The following GRIK2 variants were observed in gnomAD, a reference collection of about 807,000 sequenced individuals.
GRIK2 encodes the protein glutamate ionotropic receptor kainate type subunit 2.
GRIK2 carries 32 observed loss-of-function variants against 100.3 expected under a neutral mutation model. That is an observed-to-expected ratio of 0.32 (90% CI 0.24 to 0.43). The LOEUF (loss-of-function observed/expected upper bound fraction) is 0.43, where lower values mean the gene tolerates loss of function less well. Among genes scored for constraint, GRIK2 ranks in the 20% least tolerant of loss-of-function variants. The pLI is 1.00. For missense variants in GRIK2, 843 were observed against 1,114.9 expected (o/e 0.76, Z 3.47); for synonymous variants, 417 against 389.4 (o/e 1.07, Z -0.83).
rs1054720868 is a variant in GRIK2 at position 101,745,476 on chromosome 6, A to G, written c.952-54172A>G. ...AGCACCTGGCCAAGTTATACATATT[A>G]TAAAGGCTTTTTGGTATTCTCGTTG... On this transcript the variant is annotated intron_variant, in intron 7 of 16. Coordinates refer to ENST00000369134, the MANE Select transcript of GRIK2 (RefSeq NM_021956.5). Among the ~76,000 whole-genome samples the G allele has an allele frequency of 6.6e-5, 10 of 152,310 alleles. 2 individuals are homozygous for G. In the South Asian group the frequency reaches 1.7e-3, roughly 25 times the overall value.
intron 2 of GRIK2, among the ~76,000 whole-genome samples, chr6:101,573,537 C>CT (rs1471570258): frequency 1.3e-5 from 2 of 152,154 alleles, no homozygotes; most frequent in African/African-American, 4.8e-5. Context: ...TGGAGGATTT[C>CT]TATCATTTTC....
intron 12 of GRIK2, among the ~76,000 whole-genome samples, chr6:101,923,208 G>A (rs980564878): frequency 2.0e-5 from 3 of 151,908 alleles, no homozygotes; most frequent in Admixed American, 6.6e-5. Context: ...CTGAAGTGAC[G>A]GATACATTAT....
intron 2 of GRIK2, among the ~76,000 whole-genome samples, chr6:101,547,719 T>A (rs1222326870): frequency 1.3e-5 from 2 of 152,042 alleles, no homozygotes; most frequent in Non-Finnish European, 2.9e-5. Flanking sequence ...CAGTCTATCA[T>A]TGTTGGACAT....
intron 5 of GRIK2, among the ~76,000 whole-genome samples, chr6:101,681,314 T>C (rs1771226750): frequency 6.6e-6 from 1 of 152,098 alleles, no homozygotes; most frequent in African/African-American, 2.4e-5. Context: ...AGCCTCGACT[T>C]TGGGAGCTCA....
intron 2 of GRIK2, among the ~76,000 whole-genome samples, chr6:101,533,388 A>C (rs2128285600): frequency 6.8e-6 from 1 of 147,496 alleles, no homozygotes; most frequent in Non-Finnish European, 1.5e-5. Context: ...AATTAGAACA[A>C]AAAAAAGCAT....
At chr6:101,755,456 C>T (rs148365622) in intron 7 of GRIK2, among the ~76,000 whole-genome samples, 135 of 152,148 alleles carry the variant, frequency 8.9e-4, no homozygotes, top group African/African-American at 3.1e-3. Flanking sequence ...CATGAGCCAC[C>T]GTGCCCGGCC....
At chr6:101,961,067 C>T (rs1208858251) in intron 14 of GRIK2, among the ~76,000 whole-genome samples, 4 of 152,166 alleles carry the variant, frequency 2.6e-5, no homozygotes, top group Non-Finnish European at 1.5e-5. Flanking sequence ...TAGTGAAAGC[C>T]TCCCATGTTT....
chr6:102,060,691 A>G lies in GRIK2; in HGVS notation c.2562+5111A>G, dbSNP rs150505686. Among the ~76,000 whole-genome samples the G allele has an allele frequency of 2.6e-3, 395 of 150,878 alleles. 1 individual carries two copies. Among genetic ancestry groups the G allele is most frequent in the African/African-American group, 9.0e-3 (372 of 41,448 alleles). On this transcript the variant is annotated intron_variant, in intron 16 of 16. Transcript: ENST00000369134. The stretch of plus-strand genomic sequence containing the variant: ...GCCCAGTAATGCCTTTTTAGAAACT[A>G]TAAGATATCTATACTTTTTATTAAT...
rs144222429 is a variant in GRIK2 at position 101,481,313 on chromosome 6, C to A, written c.115+81921C>A. On this transcript the variant is annotated intron_variant, in intron 2 of 16. Transcript: ENST00000369134. ...TCTACTTCAGCCAGTGCACTCTAAG[C>A]AAATCCAAAAGGAGCCCTCATATTT... Among the ~76,000 whole-genome samples, 822 of 152,212 alleles carry A rather than the reference C, an allele frequency of 5.4e-3. 21 individuals carry two copies. The highest frequency in any genetic ancestry group is 0.042 in the Admixed American group (642 of 15,258).
At chr6:101,822,241 C>CAA (rs1782003323) in intron 10 of GRIK2, among the ~76,000 whole-genome samples, 1 of 149,048 alleles carries the variant, frequency 6.7e-6, no homozygotes, top group Admixed American at 6.7e-5. Context: ...CACACACACA[C>CAA]ACAAACACAT....
In GRIK2 at chr6:101,991,391, G is replaced by GTT. The variant is rs35883376; in HGVS notation, c.2086-43940_2086-43939dup. Among the ~76,000 whole-genome samples, 310 of 146,358 alleles carry GTT rather than the reference G, an allele frequency of 2.1e-3. 1 individual carries two copies. The highest frequency in any genetic ancestry group is 7.3e-3 in the South Asian group (34 of 4,678). ...CAAAGCCTAGTATCTTATTTGCTAT[G>GTT]TTTTTTTTTTTACAATTTGTTGCAT... On this transcript the variant is annotated intron_variant, in intron 14 of 16. Coordinates refer to ENST00000369134, the MANE Select transcript of GRIK2 (RefSeq NM_021956.5).
intron 4 of GRIK2, among the ~76,000 whole-genome samples, chr6:101,638,404 G>A (rs562919484): frequency 6.6e-6 from 1 of 152,080 alleles, no homozygotes; most frequent in South Asian, 2.1e-4. Flanking sequence ...TAAAGCAGGA[G>A]AGATGTGTAG....
intron 2 of GRIK2, among the ~76,000 whole-genome samples, chr6:101,498,424 G>A (rs368213899): frequency 4.5e-4 from 69 of 151,862 alleles, no homozygotes; most frequent in African/African-American, 1.5e-3. Flanking sequence ...CTAGTTCTAG[G>A]TCCCTGAGGA....
intron 7 of GRIK2, among the ~76,000 whole-genome samples, chr6:101,778,746 T>C (rs1778899121): frequency 6.6e-6 from 1 of 152,198 alleles, no homozygotes; most frequent in Non-Finnish European, 1.5e-5. Context: ...GAATTGTTTG[T>C]TTCTATTGTC....
chr6:101,781,090 T>G (rs891519293), intron 7 of GRIK2, among the ~76,000 whole-genome samples: 1 of 152,242 alleles, frequency 6.6e-6, no homozygotes, highest in Non-Finnish European at 1.5e-5. Flanking sequence ...TTGTTTATTT[T>G]GTTTTTTTCT....
rs1776552801 is a variant in GRIK2, at chr6:101,552,400, T to C, written c.116-69549T>C. On this transcript the variant is annotated intron_variant, in intron 2 of 16. Coordinates refer to ENST00000369134, the MANE Select transcript of GRIK2 (RefSeq NM_021956.5). ...TTGCTTTTTTCCAGCTGGTAGTATC[T>C]TATGGGACTCTTGTGGCATATTTTC... Among the ~76,000 whole-genome samples, 2 of 152,150 alleles carry C rather than the reference T, an allele frequency of 1.3e-5. 1 individual carries two copies. Among genetic ancestry groups the C allele is most frequent in the Non-Finnish European group, 2.9e-5 (2 of 68,020 alleles).
chr6:101,651,129 A>G (rs1469801978), intron 4 of GRIK2, among the ~76,000 whole-genome samples: 1 of 150,948 alleles, frequency 6.6e-6, no homozygotes, highest in Non-Finnish European at 1.5e-5. Flanking sequence ...CTAGATTATG[A>G]TCAATTTTCC....
intron 11 of GRIK2, among the ~76,000 whole-genome samples, chr6:101,864,330 A>G (rs981580035): frequency 6.6e-6 from 1 of 152,214 alleles, no homozygotes; most frequent in African/African-American, 2.4e-5. Context: ...GCTTCAGGAC[A>G]GTGATGCAGA....
intron 4 of GRIK2, among the ~76,000 whole-genome samples, chr6:101,654,571 C>T (rs773864156): frequency 1.8e-4 from 27 of 152,146 alleles, no homozygotes; most frequent in Non-Finnish European, 3.4e-4. Flanking sequence ...ATGTTCAATA[C>T]CAGCACCAGT....
Sources: gnomAD v4.1 joint callset for allele counts (sites outside exome capture counted in the v4.1 genomes callset) on GRCh38, gnomAD v4.1.1 for gene constraint, MANE v1.5 for transcripts, NCBI Gene and HGNC (gene_info 2026-07-23, HGNC 2026-07-21) for gene names.